PTPRZ1: variants seen among roughly 807,000 people sequenced by gnomAD.
PTPRZ1 encodes receptor-type tyrosine-protein phosphatase zeta.
Under a neutral mutation model 214.1 loss-of-function variants are expected in PTPRZ1, and 82 were observed. The observed-to-expected ratio is 0.38, with a 90% CI of 0.32 to 0.46. The LOEUF is 0.46. Among genes scored for constraint, PTPRZ1 ranks in the 20% least tolerant of loss-of-function variants. The pLI, the probability that PTPRZ1 is intolerant of heterozygous loss-of-function variation, is 1.00. For missense variants in PTPRZ1, 2,603 were observed against 2,748.7 expected, an observed-to-expected ratio of 0.95 and a Z score of 1.19; for synonymous variants, 945 against 987.9, an observed-to-expected ratio of 0.96 and a Z score of 0.81.
At chr7:121,886,067 G>C (rs1794384631) in intron 1 of PTPRZ1, among the ~76,000 whole-genome samples, 1 of 152,170 alleles carries the variant, frequency 6.6e-6, no homozygotes, top group Non-Finnish European at 1.5e-5. Flanking sequence ...GAGGCTTTGA[G>C]ACTGTAGTAC....
rs564318090 is a variant in PTPRZ1 at position 121,881,568 on chromosome 7, T to C, written c.58+8011T>C. On this transcript the variant is annotated intron_variant, in intron 1 of 29. Transcript: ENST00000393386. ...TTCATTTTTCTTAAGGTGGAGATAT[T>C]TGCAGGTCTTATGCTGTCCTAAAAC... 2.0e-5 allele frequency among the ~76,000 whole-genome samples: 3 copies of C among 152,320 alleles called. No individual in the cohort carries two copies. The South Asian group carries it at 6.2e-4, about 32-fold the overall frequency.
intron 4 of PTPRZ1, among the ~76,000 whole-genome samples, chr7:121,975,521 C>T (rs1423759796): frequency 1.3e-5 from 2 of 152,304 alleles, no homozygotes; most frequent in East Asian, 3.9e-4. Flanking sequence ...CTCTGTTTCT[C>T]CCATCAGAGC....
At chr7:122,028,746 T>C in intron 14 of PTPRZ1, 103 bp downstream of exon 14, 1 of 834,856 alleles carries the variant, frequency 1.2e-6, no homozygotes, top group Non-Finnish European at 1.9e-6. Flanking sequence ...ATTGCTATAA[T>C]GTAGATTAGT....
intron 1 of PTPRZ1, among the ~76,000 whole-genome samples, chr7:121,882,529 G>A (rs1794273147): frequency 6.6e-6 from 1 of 152,172 alleles, no homozygotes; most frequent in African/African-American, 2.4e-5. Context: ...GTGGGGAGAG[G>A]AGTATAACAG....
At chr7:121,941,294 T>A (rs1344662646) in intron 2 of PTPRZ1, among the ~76,000 whole-genome samples, 1 of 152,242 alleles carries the variant, frequency 6.6e-6, no homozygotes, top group Non-Finnish European at 1.5e-5. Flanking sequence ...TTTTGACTCC[T>A]AGGGCCCTGG....
rs960940490 is a variant in PTPRZ1, at chr7:121,972,161, A to T, written c.305-380A>T. Among the ~76,000 whole-genome samples the T allele has an allele frequency of 3.7e-3, 546 of 148,836 alleles. 10 individuals carry two copies. Among genetic ancestry groups the T allele is most frequent in the Admixed American group, 0.033 (486 of 14,948 alleles). ...TGAGAGAACTCTGAGGAGAAGACTT[A>T]TTTTTTTTTTTCTTTTAACCCTTCA... On this transcript the variant is annotated intron_variant, in intron 3 of 29. Transcript: ENST00000393386.
chr7:122,012,425 C>A lies in PTPRZ1; in HGVS notation c.3379C>A (p.Pro1127Thr). ...QVPENNFSVQ[P>T]THTVSQASGD... ...TCCAGAAAATAACTTTTCAGTTCAA[C>A]CTACACATACTGTCTCTCAAGCATC... The change falls in exon 12 of 30, where the codon CCT becomes ACT. Residue 1127 changes from proline (P) to threonine (T), a missense_variant. Coordinates refer to ENST00000393386, the MANE Select transcript of PTPRZ1 (RefSeq NM_002851.3). 1 of 1,613,820 alleles carries A rather than the reference C, an allele frequency of 6.2e-7. No individual in the cohort carries two copies. Among genetic ancestry groups the A allele is most frequent in the Non-Finnish European group, 8.5e-7 (1 of 1,179,800 alleles).
intron 2 of PTPRZ1, among the ~76,000 whole-genome samples, chr7:121,963,697 G>A (rs1214676161): frequency 6.6e-6 from 1 of 152,060 alleles, no homozygotes; most frequent in Non-Finnish European, 1.5e-5. Flanking sequence ...GAAGGGAAAG[G>A]CCCTATTGAA....
intron 29 of PTPRZ1, among the ~76,000 whole-genome samples, chr7:122,060,385 A>C (rs1262524682): frequency 6.6e-6 from 1 of 152,194 alleles, no homozygotes; most frequent in Non-Finnish European, 1.5e-5. Context: ...TTAATTATGC[A>C]CTGCGTCACA....
chr7:121,989,521 T>A (rs1279427712), intron 8 of PTPRZ1, among the ~76,000 whole-genome samples: 1 of 152,128 alleles, frequency 6.6e-6, no homozygotes, highest in Non-Finnish European at 1.5e-5. Flanking sequence ...ATTACTGGCA[T>A]GCGCCACCAC....
chr7:121,981,379 T>A (rs975167318), intron 6 of PTPRZ1, among the ~76,000 whole-genome samples: 1 of 151,872 alleles, frequency 6.6e-6, no homozygotes, highest in Non-Finnish European at 1.5e-5. Context: ...TTAACACCAC[T>A]GCTCTACACT....
At chr7:122,007,800 G>T (rs1254248649) in intron 11 of PTPRZ1, among the ~76,000 whole-genome samples, 2 of 152,108 alleles carry the variant, frequency 1.3e-5, no homozygotes, top group South Asian at 2.1e-4. Flanking sequence ...TACAGTGGAA[G>T]AGTCACAATA....
chr7:121,903,837 C>T (rs1277302830), intron 1 of PTPRZ1, among the ~76,000 whole-genome samples: 2 of 152,062 alleles, frequency 1.3e-5, no homozygotes, highest in East Asian at 3.9e-4. Context: ...AAAGATATGG[C>T]ACATAGTATA....
At chr7:121,888,084 A>G (rs1051334384) in intron 1 of PTPRZ1, among the ~76,000 whole-genome samples, 11 of 152,122 alleles carry the variant, frequency 7.2e-5, no homozygotes, top group African/African-American at 2.7e-4. Context: ...TTTGAGCAGC[A>G]TAAAAGATTT....
At chr7:121,928,769 CTT>C (rs765597602) in intron 2 of PTPRZ1, among the ~76,000 whole-genome samples, 44 of 152,178 alleles carry the variant, frequency 2.9e-4, no homozygotes, top group Non-Finnish European at 5.6e-4. Context: ...CATTACTAGA[CTT>C]TGCCTAGAAC....
Position 121,967,959 on chromosome 7 carries a change from A to C in PTPRZ1, c.133A>C (p.Asn45His), listed in dbSNP as rs377676880. Residue 45 changes from asparagine (N) to histidine (H), a missense_variant, in exon 3 of 30, where the codon AAT (asparagine) becomes CAT (histidine). Physicochemically the swap from Asn to His is moderately conservative, Grantham distance 68. This residue lies in a region of PTPRZ1 where 141 missense variants were observed against 143.7 expected (regional missense o/e 0.98). Coordinates refer to ENST00000393386, the MANE Select transcript of PTPRZ1 (RefSeq NM_002851.3). ...EIGWSYTGAL[N>H]QKNWGKKYPT... ...CTCCTTCTTTTCCCTAGGAGCACTG[A>C]ATCAAAAAAATTGGGGAAAGAAATA... The C allele has an allele frequency of 1.9e-6, 3 of 1,571,734 alleles. No individual in the cohort carries two copies. The highest frequency in any genetic ancestry group is 2.6e-6 in the Non-Finnish European group (3 of 1,149,868).
At chr7:121,992,844 A>G (rs1044560849) in intron 8 of PTPRZ1, among the ~76,000 whole-genome samples, 1 of 152,186 alleles carries the variant, frequency 6.6e-6, no homozygotes, top group African/African-American at 2.4e-5. Flanking sequence ...CTGATAAAGG[A>G]GACTACATTC....
At chr7:121,892,679 CATATATATATATATATATAT>C (rs58030102) in intron 1 of PTPRZ1, among the ~76,000 whole-genome samples, 31,045 of 98,402 alleles carry the variant, frequency 0.32, 4,463 homozygotes, top group South Asian at 0.43. Context: ...TCAAGCATCT[CATATATATATATATATATAT>C]ATATATATAT....
chr7:121,896,204 A>G (rs1040249814), intron 1 of PTPRZ1, among the ~76,000 whole-genome samples: 4 of 152,198 alleles, frequency 2.6e-5, no homozygotes, highest in African/African-American at 9.6e-5. Context: ...CATAACTTGA[A>G]ATCTACCTTC....
Sources: allele counts gnomAD v4.1 joint callset (sites outside exome capture counted in the v4.1 genomes callset), GRCh38; gene constraint gnomAD v4.1.1; regional missense constraint gnomAD v4.1.1; transcripts MANE v1.5; gene names NCBI Gene and HGNC (gene_info 2026-07-23, HGNC 2026-07-21).